PRICKLE2: variants seen among roughly 807,000 people sequenced by gnomAD.
PRICKLE2 encodes the protein prickle planar cell polarity protein 2.
A neutral mutation model predicts 81.4 loss-of-function variants in PRICKLE2; 21 were observed. That is an observed-to-expected ratio of 0.26 (90% CI 0.18 to 0.37). The LOEUF (loss-of-function observed/expected upper bound fraction) is 0.37. Among genes scored for constraint, PRICKLE2 ranks in the 10% least tolerant of loss-of-function variants. The probability of loss-of-function intolerance (pLI) is 1.00; values close to 1 mark genes in which losing one functional copy is unlikely to be tolerated. For missense variants in PRICKLE2, 940 were observed against 1,109.0 expected (o/e 0.85, Z 2.16); for synonymous variants, 456 against 421.5 (o/e 1.08, Z -1.00).
intron 7 of PRICKLE2, among the ~76,000 whole-genome samples, chr3:64,128,815 T>C (rs1301492818): frequency 1.3e-5 from 2 of 151,102 alleles, no homozygotes; most frequent in Non-Finnish European, 2.9e-5. Context: ...AAAAAAAGTG[T>C]TATTTTCACA....
intron 2 of PRICKLE2, among the ~76,000 whole-genome samples, chr3:64,170,703 T>TAAAAAAAA (rs770744864): frequency 1.8e-5 from 2 of 113,406 alleles, no homozygotes; most frequent in Admixed American, 9.6e-5. Flanking sequence ...CTAGAAACAT[T>TAAAAAAAA]AAAAAAAAAA....
At chr3:64,204,648 A>T (rs2078649584) in intron 1 of PRICKLE2, among the ~76,000 whole-genome samples, 1 of 152,160 alleles carries the variant, frequency 6.6e-6, no homozygotes, top group Non-Finnish European at 1.5e-5. Context: ...AAAAAAAACC[A>T]AAACCCTAAA....
chr3:64,111,536 C>A (rs142676202), intron 7 of PRICKLE2, among the ~76,000 whole-genome samples: 40 of 152,298 alleles, frequency 2.6e-4, no homozygotes, highest in African/African-American at 9.1e-4. Flanking sequence ...CAGTGACACT[C>A]CCCAGCTTCT....
chr3:64,150,999 T>C (rs1463326820), intron 6 of PRICKLE2, among the ~76,000 whole-genome samples: 1 of 152,218 alleles, frequency 6.6e-6, no homozygotes, highest in East Asian at 1.9e-4. Context: ...GCCCTTTAAG[T>C]ACTTCTTGGA....
chr3:64,120,433 A>G (rs1485110030), intron 7 of PRICKLE2, among the ~76,000 whole-genome samples: 2 of 152,160 alleles, frequency 1.3e-5, no homozygotes, highest in African/African-American at 4.8e-5. Flanking sequence ...GAAAACAGAA[A>G]AAAGATGAGC....
chr3:64,190,583 A>G (rs1470009970), intron 2 of PRICKLE2, among the ~76,000 whole-genome samples: 1 of 152,212 alleles, frequency 6.6e-6, no homozygotes, highest in African/African-American at 2.4e-5. Context: ...TAGGTGAATG[A>G]GTGAACAGAA....
At chr3:64,238,892 C>A (rs958746046) in intron 2 of PRICKLE2, among the ~76,000 whole-genome samples, 38 of 152,166 alleles carry the variant, frequency 2.5e-4, no homozygotes, top group African/African-American at 8.7e-4. Flanking sequence ...CATCTGAAGC[C>A]CTCTGATTTG....
intron 2 of PRICKLE2, among the ~76,000 whole-genome samples, chr3:64,238,529 A>G (rs2079216383): frequency 6.6e-6 from 1 of 151,996 alleles, no homozygotes; most frequent in African/African-American, 2.4e-5. Context: ...AAAAGAAAAA[A>G]GAAAACTTGG....
chr3:64,241,005 C>A (rs1214621143), intron 2 of PRICKLE2, among the ~76,000 whole-genome samples: 1 of 152,156 alleles, frequency 6.6e-6, no homozygotes, highest in Non-Finnish European at 1.5e-5. Context: ...ATTGGGTCTA[C>A]ACCAGAGGTC....
intron 7 of PRICKLE2, among the ~76,000 whole-genome samples, chr3:64,120,882 T>C (rs1033569244): frequency 2.6e-5 from 4 of 152,266 alleles, no homozygotes; most frequent in East Asian, 3.9e-4. Context: ...ACTTCTCCCT[T>C]CAGCAAAAGT....
intron 2 of PRICKLE2, among the ~76,000 whole-genome samples, chr3:64,249,272 T>G (rs1311948233): frequency 7.0e-6 from 1 of 141,928 alleles, no homozygotes; most frequent in African/African-American, 2.5e-5. Context: ...TGCCACACAC[T>G]TTTAAACCAT....
intron 2 of PRICKLE2, among the ~76,000 whole-genome samples, chr3:64,239,360 C>T (rs910420524): frequency 6.6e-6 from 1 of 152,104 alleles, no homozygotes; most frequent in Non-Finnish European, 1.5e-5. Flanking sequence ...GTTCAGCTCG[C>T]TGGGATGAGG....
chr3:64,100,240 G>T, intron 7 of PRICKLE2: 1 of 366,770 alleles, frequency 2.7e-6, no homozygotes, highest in Non-Finnish European at 5.0e-6. Flanking sequence ...CCTCTATTTG[G>T]AGTTTCACTT....
rs1278550599 is a variant in PRICKLE2 at position 64,198,880 on chromosome 3, G to T, written c.48C>A (p.Leu16=). 6.2e-7 allele frequency: 1 copy of T among 1,614,162 alleles called. No homozygotes were observed. The highest frequency in any genetic ancestry group is 2.2e-5 in the East Asian group (1 of 44,882). ...PLEMEKTISK[L]MFDFQRNSTS... ...TCGAGTTCCTCTGAAAGTCAAACAT[G>T]AGTTTGCTGATGGTCTTCTCCATCT... Residue 16 remains leucine (L), a synonymous_variant, in exon 2 of 8, where the codon CTC becomes CTA. Transcript: ENST00000638394.
chr3:64,235,586 C>A (rs1431297379), intron 2 of PRICKLE2, among the ~76,000 whole-genome samples: 2 of 152,306 alleles, frequency 1.3e-5, no homozygotes, highest in Admixed American at 6.5e-5. Context: ...GCTAGGCAGA[C>A]AAGTTGAGCG....
At chr3:64,210,322 T>C (rs886267287) in intron 1 of PRICKLE2, among the ~76,000 whole-genome samples, 2 of 152,092 alleles carry the variant, frequency 1.3e-5, no homozygotes, top group African/African-American at 4.8e-5. Flanking sequence ...TGGCAAACAC[T>C]CAGTCTGAAT....
At chr3:64,134,571 C>T (rs1289670231) in intron 7 of PRICKLE2, among the ~76,000 whole-genome samples, 1 of 148,304 alleles carries the variant, frequency 6.7e-6, no homozygotes, top group Non-Finnish European at 1.5e-5. Context: ...TACCAGACGC[C>T]TGTAGTGTCC....
chr3:64,185,237 C>T lies in PRICKLE2; in HGVS notation c.144+13547G>A, dbSNP rs141978646. 4.3e-3 allele frequency among the ~76,000 whole-genome samples: 649 copies of T among 152,254 alleles called. 4 individuals are homozygous for T. Among genetic ancestry groups the T allele is most frequent in the African/African-American group, 0.015 (619 of 41,534 alleles). On this transcript the variant is annotated intron_variant, in intron 2 of 7. Coordinates refer to ENST00000638394, the MANE Select transcript of PRICKLE2 (RefSeq NM_198859.4). ...TTTCCTAACACCCTTTGGCAAGAGT[C>T]AGAAAGGTTTCTCAGGACCCCAGGA... is the stretch of plus-strand genomic sequence containing the variant.
At chr3:64,194,188 A>T (rs2078404998) in intron 2 of PRICKLE2, 1 of 152,228 alleles carries the variant, frequency 6.6e-6, no homozygotes, top group South Asian at 2.1e-4. Flanking sequence ...ATTTTGATTT[A>T]GTGAAGATGG....
Sources: gnomAD v4.1 joint callset for allele counts (sites outside exome capture counted in the v4.1 genomes callset) on GRCh38, gnomAD v4.1.1 for gene constraint, MANE v1.5 for transcripts, NCBI Gene and HGNC (gene_info 2026-07-23, HGNC 2026-07-21) for gene names.